Variants in ROBO2 observed in about 807,000 individuals in gnomAD.
The protein encoded by ROBO2 is roundabout homolog 2.
Under a neutral mutation model 160.8 loss-of-function variants are expected in ROBO2, and 53 were observed. The ratio of observed to expected loss-of-function variants is 0.33; its 90% CI spans 0.26 to 0.41. ROBO2 has a LOEUF of 0.41. ROBO2 is among the 10% of genes least tolerant of loss of function. ROBO2 has a pLI of 1.00. For missense variants in ROBO2, 1,577 were observed against 1,722.4 expected (o/e 0.92, Z 1.49); for synonymous variants, 664 against 611.7 (o/e 1.09, Z -1.26).
intron 2 of ROBO2, among the ~76,000 whole-genome samples, chr3:76,684,068 TA>T (rs1321212545): frequency 6.6e-6 from 1 of 151,998 alleles, no homozygotes; most frequent in African/African-American, 2.4e-5. Context: ...AACGAATGTA[TA>T]TTAGGACATC....
intron 2 of ROBO2, among the ~76,000 whole-genome samples, chr3:76,377,225 T>C (rs961301812): frequency 6.6e-6 from 1 of 152,134 alleles, no homozygotes; most frequent in Non-Finnish European, 1.5e-5. Flanking sequence ...ATGAGAGATC[T>C]TCTGAATACC....
chr3:76,043,273 A>ACTGTGCCCT (rs1250816243), intron 2 of ROBO2, among the ~76,000 whole-genome samples: 1 of 151,568 alleles, frequency 6.6e-6, no homozygotes, highest in East Asian at 1.9e-4. Context: ...CTTTTCACAT[A>ACTGTGCCCT]CTGTGCCCTG....
chr3:77,596,887 A>C, intron 19 of ROBO2, 137 bp downstream of exon 20: 2 of 1,029,754 alleles, frequency 1.9e-6, no homozygotes, highest in African/African-American at 3.2e-5. Flanking sequence ...CATATGCACT[A>C]ACAGTGTTGT....
intron 2 of ROBO2, among the ~76,000 whole-genome samples, chr3:76,422,639 A>G (rs1222185792): frequency 6.6e-6 from 1 of 152,192 alleles, no homozygotes; most frequent in Non-Finnish European, 1.5e-5. Flanking sequence ...ACTTTCATGC[A>G]TTAATCTGGG....
rs2085251197 is a variant in ROBO2 at position 77,485,552 on chromosome 3, G to A, written c.667+4333G>A. Among the ~76,000 whole-genome samples the A allele has an allele frequency of 5.3e-5, 8 of 151,972 alleles. No individual in the cohort carries two copies. In the South Asian group the frequency reaches 1.7e-3, roughly 31 times the overall value. On this transcript the variant is annotated intron_variant, in intron 4 of 25. Transcript: ENST00000461745. ...TCTTTTCTGTGCTGTAAGTTGATGA[G>A]CAGTCTCAATCTGAAAACTCTCAAA...
At chr3:77,228,281 C>T (rs1036182146) in intron 2 of ROBO2, among the ~76,000 whole-genome samples, 4 of 152,096 alleles carry the variant, frequency 2.6e-5, no homozygotes, top group African/African-American at 7.2e-5. Context: ...ATCCTCCCAC[C>T]TCAGCCTCTG....
chr3:77,204,251 A>G (rs538458257), intron 2 of ROBO2, among the ~76,000 whole-genome samples: 2 of 152,292 alleles, frequency 1.3e-5, no homozygotes, highest in African/African-American at 4.8e-5. Context: ...CTCACAATCA[A>G]TAGTAATTCC....
chr3:77,330,299 C>T (rs546598278), intron 2 of ROBO2, among the ~76,000 whole-genome samples: 1 of 152,206 alleles, frequency 6.6e-6, no homozygotes, highest in African/African-American at 2.4e-5. Context: ...AGGTGGATCA[C>T]TTGAGGCCAG....
At chr3:77,087,737 T>C (rs2149990637) in intron 1 of ROBO2, among the ~76,000 whole-genome samples, 1 of 152,092 alleles carries the variant, frequency 6.6e-6, no homozygotes, top group East Asian at 1.9e-4. Flanking sequence ...TATATACATA[T>C]ATGTGTGTGT....
chr3:76,535,051 G>A (rs2082420026), intron 2 of ROBO2, among the ~76,000 whole-genome samples: 1 of 152,026 alleles, frequency 6.6e-6, no homozygotes, highest in African/African-American at 2.4e-5. Context: ...TGCTGGGACT[G>A]GTGGATGTCA....
intron 2 of ROBO2, among the ~76,000 whole-genome samples, chr3:76,179,448 C>A (rs769988397): frequency 2.6e-5 from 4 of 152,122 alleles, no homozygotes; most frequent in African/African-American, 9.7e-5. Context: ...GCTAAAGTAA[C>A]CTCTAGTTTT....
intron 2 of ROBO2, among the ~76,000 whole-genome samples, chr3:76,822,658 A>G (rs983732609): frequency 5.3e-5 from 8 of 151,816 alleles, no homozygotes; most frequent in Non-Finnish European, 1.2e-4. Context: ...ATGAGACTTT[A>G]CAAATAATAT....
At chr3:76,805,671 CGTGTGTGTGT>C (rs71673124) in intron 2 of ROBO2, among the ~76,000 whole-genome samples, 27 of 146,304 alleles carry the variant, frequency 1.8e-4, no homozygotes, top group East Asian at 2.0e-4. Flanking sequence ...TATTGGAATA[CGTGTGTGTGT>C]GTGTGTGTGT....
intron 2 of ROBO2, among the ~76,000 whole-genome samples, chr3:77,435,421 G>A (rs1260423173): frequency 6.6e-6 from 1 of 151,966 alleles, no homozygotes; most frequent in African/African-American, 2.4e-5. Context: ...ACTAAGAAAT[G>A]TGAAAAGTAG....
At chr3:77,573,848 CT>C (rs145943149) in intron 13 of ROBO2, among the ~76,000 whole-genome samples, 26 of 147,872 alleles carry the variant, frequency 1.8e-4, no homozygotes, top group South Asian at 2.2e-4. Context: ...TTTGTTTATG[CT>C]TTTTTTTTTA....
chr3:77,498,411 G>A (rs2087084339), intron 5 of ROBO2, among the ~76,000 whole-genome samples: 1 of 152,064 alleles, frequency 6.6e-6, no homozygotes, highest in Non-Finnish European at 1.5e-5. Context: ...AATAGAAAAG[G>A]GAGTAGAGAA....
intron 2 of ROBO2, among the ~76,000 whole-genome samples, chr3:77,161,151 A>G (rs1347568876): frequency 1.3e-5 from 2 of 152,186 alleles, no homozygotes; most frequent in Non-Finnish European, 2.9e-5. Context: ...TGCCTAGGGC[A>G]TCTGGGTCCC....
chr3:76,359,525 G>A (rs1042275082), intron 2 of ROBO2, among the ~76,000 whole-genome samples: 2 of 151,928 alleles, frequency 1.3e-5, no homozygotes, highest in South Asian at 4.1e-4. Flanking sequence ...GAAGCTTCTC[G>A]CTGGACATGT....
At position 76,255,598 on chromosome 3, in the gene ROBO2, A is replaced by T. The variant is rs575919452; in HGVS notation, c.109+317996A>T. On this transcript the variant is annotated intron_variant, in intron 2 of 26. Transcript: ENST00000487694. ...TTTATAACTACTATTTTACTATGCA[A>T]AAAAAAAATTTGAGTATTTAAAGAC... Among the ~76,000 whole-genome samples the T allele has an allele frequency of 3.5e-5, 5 of 141,178 alleles. No homozygotes were observed. The East Asian group carries it at 9.7e-4, about 27-fold the overall frequency. The allele number at this position is 141,178 out of a possible 152,430, so 92.6% of individuals were successfully genotyped here. A position where few individuals can be genotyped will look rare whatever the true frequency, so the allele number is the denominator to read the frequency against.
Sources: allele counts gnomAD v4.1 joint callset (sites outside exome capture counted in the v4.1 genomes callset), GRCh38; gene constraint gnomAD v4.1.1; transcripts MANE v1.5; gene names NCBI Gene and HGNC (gene_info 2026-07-23, HGNC 2026-07-21).